PRPF38A: variants seen among roughly 807,000 people sequenced by gnomAD.
PRPF38A encodes pre-mRNA processing factor 38A.
In PRPF38A, 11 loss-of-function variants were observed where a neutral mutation model predicts 46.8. The observed-to-expected ratio is 0.24, with a 90% confidence interval of 0.15 to 0.39. PRPF38A has a LOEUF of 0.39. Among genes scored for constraint, PRPF38A ranks in the 10% least tolerant of loss-of-function variants. The probability of loss-of-function intolerance (pLI) is 1.00; values close to 1 mark genes in which losing one functional copy is unlikely to be tolerated. For missense variants in PRPF38A, 261 were observed against 407.5 expected (o/e 0.64, Z 3.10); for synonymous variants, 124 against 136.2 (o/e 0.91, Z 0.62).
At chr1:52,415,593 A>G (rs558043757) in intron 9 of PRPF38A, among the ~76,000 whole-genome samples, 2 of 152,082 alleles carry the variant, frequency 1.3e-5, no homozygotes, top group East Asian at 3.9e-4. Flanking sequence ...TTGTCTCCCA[A>G]GCTGGAGTGC....
chr1:52,411,496 C>G (rs1391756617), intron 4 of PRPF38A, among the ~76,000 whole-genome samples: 1 of 152,170 alleles, frequency 6.6e-6, no homozygotes, highest in Non-Finnish European at 1.5e-5. Flanking sequence ...AACCTTGTTA[C>G]AAAGTCAGCA....
intron 4 of PRPF38A, among the ~76,000 whole-genome samples, chr1:52,411,459 G>T (rs536449461): frequency 6.6e-6 from 1 of 152,166 alleles, no homozygotes; most frequent in African/African-American, 2.4e-5. Flanking sequence ...TGTAGTTCAG[G>T]TGCATGTGTG....
intron 8 of PRPF38A, 54 bp from the exon 9 acceptor site, chr1:52,415,284 A>T: frequency 6.4e-7 from 1 of 1,563,992 alleles, no homozygotes. Context: ...TGAGAATGAC[A>T]GTTTAATAAG....
At chr1:52,412,722 G>T in intron 5 of PRPF38A, 98 bp downstream of exon 5, 1 of 760,364 alleles carries the variant, frequency 1.3e-6, no homozygotes, top group Non-Finnish European at 2.2e-6. Context: ...TCTATTGGCC[G>T]GGCGTGGTCG....
intron 2 of PRPF38A, among the ~76,000 whole-genome samples, chr1:52,408,011 G>A (rs745895209): frequency 9.9e-5 from 15 of 152,224 alleles, no homozygotes; most frequent in East Asian, 1.9e-4. Context: ...AATTGAGATC[G>A]TGCCACTGCA....
intron 6 of PRPF38A, 113 bp downstream of exon 6, chr1:52,414,104 T>TA: frequency 1.5e-6 from 1 of 666,032 alleles, no homozygotes. Flanking sequence ...CCCAATATAT[T>TA]AGTTATCTGT....
At chr1:52,411,091 T>G (rs1307081900) in intron 3 of PRPF38A, 24 bp from the exon 4 acceptor site, 2 of 1,569,084 alleles carry the variant, frequency 1.3e-6, no homozygotes, top group South Asian at 2.2e-5. Flanking sequence ...CCAGGTTGTT[T>G]GCTCTAATGA....
At position 52,420,615 on chromosome 1, in the gene PRPF38A, T is replaced by G. The variant is rs1423219503; in HGVS notation, c.*3925T>G. ...AGTTTCACACTTGTTTTCCTTTTGT[T>G]AATTTGCTATATTTGTTAAATATAG... On this transcript the variant is annotated 3_prime_UTR_variant, in exon 10 of 10. Coordinates refer to ENST00000257181, the MANE Select transcript of PRPF38A (RefSeq NM_032864.4). The G allele has an allele frequency of 6.6e-6, 1 of 152,212 alleles. No homozygotes were observed. Among genetic ancestry groups the G allele is most frequent in the East Asian group, 1.9e-4 (1 of 5,204 alleles). The allele number at this position is 152,212 out of a possible 1,614,324, so 9.4% of individuals were successfully genotyped here. A position where few individuals can be genotyped will look rare whatever the true frequency, so the allele number is the denominator to read the frequency against.
Position 52,419,967 on chromosome 1 carries a change from A to T in PRPF38A, c.*3277A>T, listed in dbSNP as rs1194288891. 1 of 152,356 alleles carries T rather than the reference A, an allele frequency of 6.6e-6. No homozygotes were observed. The highest frequency in any genetic ancestry group is 2.4e-5 in the African/African-American group (1 of 41,434). The allele number at this position is 152,356 out of a possible 1,614,324, so 9.4% of individuals were successfully genotyped here. On this transcript the variant is annotated 3_prime_UTR_variant, in exon 10 of 10. Transcript: ENST00000257181. ...GGCAGGAGAATGGCGTGAATCCGGG[A>T]GGCGGAGCTTTCAGTGAGCCGAGAT...
At chr1:52,409,524 TC>T (rs1648090130) in intron 3 of PRPF38A, 1 of 152,176 alleles carries the variant, frequency 6.6e-6, no homozygotes, top group South Asian at 2.1e-4. Flanking sequence ...GGCAGGAGAA[TC>T]CCTTGAACCA....
At position 52,418,068 on chromosome 1, in the gene PRPF38A, A is replaced by G. The variant is rs1648340958; in HGVS notation, c.*1378A>G. ...CTGTGAAGACCAGCTGCCCTGCAGGATCCAGTTTTTCTTGGGAGGTTGTAT... is the reference window on the plus strand; with the variant it reads ...CTGTGAAGACCAGCTGCCCTGCAGGGTCCAGTTTTTCTTGGGAGGTTGTAT... On this transcript the variant is annotated 3_prime_UTR_variant, in exon 10 of 10. Transcript: ENST00000257181. 1 of 152,804 alleles carries G rather than the reference A, an allele frequency of 6.5e-6. No homozygotes were observed. Among genetic ancestry groups the G allele is most frequent in the South Asian group, 2.1e-4 (1 of 4,832 alleles). 9.5% of individuals were successfully genotyped at this position (152,804 alleles called of 1,614,324 possible). A position where few individuals can be genotyped will look rare whatever the true frequency, so the allele number is the denominator to read the frequency against.
intron 1 of PRPF38A, among the ~76,000 whole-genome samples, chr1:52,405,436 G>A (rs1248040557): frequency 1.3e-5 from 2 of 152,208 alleles, no homozygotes; most frequent in Non-Finnish European, 2.9e-5. Flanking sequence ...AACATTGCTA[G>A]AACTTTCTTC....
intron 2 of PRPF38A, among the ~76,000 whole-genome samples, chr1:52,408,006 A>G (rs1270087971): frequency 6.6e-6 from 1 of 152,260 alleles, no homozygotes; most frequent in Non-Finnish European, 1.5e-5. Context: ...CAGTGAATTG[A>G]GATCGTGCCA....
At chr1:52,415,856 T>G (rs1648275948) in intron 9 of PRPF38A, among the ~76,000 whole-genome samples, 1 of 142,598 alleles carries the variant, frequency 7.0e-6, no homozygotes, top group African/African-American at 2.6e-5. Flanking sequence ...TTTTTTTTTT[T>G]TTTTGAGACG....
In PRPF38A at chr1:52,413,859, C is replaced by T; in HGVS notation, c.610-20C>T. On this transcript the variant is annotated intron_variant, in intron 5 of 9. Coordinates refer to ENST00000257181, the MANE Select transcript of PRPF38A (RefSeq NM_032864.4). Reference sequence around the variant, plus strand: ...TTTATAAGCCTGTGCCTTTCAATGACCCAATCATCTTGTTTCCAGTTGGAA... The same window carrying T: ...TTTATAAGCCTGTGCCTTTCAATGATCCAATCATCTTGTTTCCAGTTGGAA... 6.6e-7 allele frequency: 1 copy of T among 1,514,026 alleles called. No homozygotes were observed. Among genetic ancestry groups the T allele is most frequent in the Non-Finnish European group, 9.2e-7 (1 of 1,089,000 alleles). 93.8% of individuals were successfully genotyped at this position (1,514,026 alleles called of 1,614,324 possible).
intron 9 of PRPF38A, among the ~76,000 whole-genome samples, chr1:52,415,589 C>A (rs1648266830): frequency 6.6e-6 from 1 of 152,142 alleles, no homozygotes; most frequent in South Asian, 2.1e-4. Flanking sequence ...GTGCTTGTCT[C>A]CCAAGCTGGA....
intron 7 of PRPF38A, 21 bp downstream of exon 7, chr1:52,414,668 G>C (rs748082125): frequency 8.7e-6 from 14 of 1,613,872 alleles, no homozygotes; most frequent in Middle Eastern, 3.3e-4. Context: ...AGTCATTTGT[G>C]ATGAAGGATA....
rs1648348223 is a variant in PRPF38A, at chr1:52,418,236, G to A, written c.*1546G>A. ...TCGTAATACCTGAGTTAATAAAAGT[G>A]GTCTGAAAGAGCTCTTACGGTTTCT... On this transcript the variant is annotated 3_prime_UTR_variant, in exon 10 of 10. Coordinates refer to ENST00000257181, the MANE Select transcript of PRPF38A (RefSeq NM_032864.4). 1 of 152,492 alleles carries A rather than the reference G, an allele frequency of 6.6e-6. No individual in the cohort carries two copies. The highest frequency in any genetic ancestry group is 1.9e-4 in the East Asian group (1 of 5,196). 9.4% of individuals were successfully genotyped at this position (152,492 alleles called of 1,614,324 possible).
chr1:52,407,071 G>A (rs1198084401), intron 2 of PRPF38A, among the ~76,000 whole-genome samples: 1 of 152,234 alleles, frequency 6.6e-6, no homozygotes, highest in Non-Finnish European at 1.5e-5. Context: ...AGGCTGGAGT[G>A]CAGTGGCGCA....
Sources: allele counts gnomAD v4.1 joint callset (sites outside exome capture counted in the v4.1 genomes callset), GRCh38; gene constraint gnomAD v4.1.1; transcripts MANE v1.5; gene names NCBI Gene and HGNC (gene_info 2026-07-23, HGNC 2026-07-21).